The following FRS2 variants were observed in gnomAD, a reference collection of about 807,000 sequenced individuals.
FRS2 encodes the protein fibroblast growth factor receptor substrate 2.
A neutral mutation model predicts 43.9 loss-of-function variants in FRS2; 8 were observed. The observed-to-expected ratio is 0.18, with a 90% confidence interval of 0.11 to 0.33. The LOEUF (loss-of-function observed/expected upper bound fraction) is 0.33. Among genes scored for constraint, FRS2 ranks in the 10% least tolerant of loss-of-function variants. The pLI is 1.00. For synonymous variants in FRS2, 219 were observed against 220.3 expected (o/e 0.99, Z 0.05); for missense variants, 534 against 627.6 (o/e 0.85, Z 1.59).
At chr12:69,529,484 C>T (rs1355159333) in intron 1 of FRS2, among the ~76,000 whole-genome samples, 3 of 151,842 alleles carry the variant, frequency 2.0e-5, no homozygotes, top group South Asian at 2.1e-4. Flanking sequence ...ATTAGCCAGA[C>T]GTGGTGGCAT....
chr12:69,482,705 A>G (rs905483376), intron 1 of FRS2, among the ~76,000 whole-genome samples: 1 of 152,204 alleles, frequency 6.6e-6, no homozygotes, highest in Non-Finnish European at 1.5e-5. Context: ...ATCTGTTGAA[A>G]CTGTTTTCTG....
chr12:69,521,010 G>A (rs867626353), intron 1 of FRS2, among the ~76,000 whole-genome samples: 26 of 152,076 alleles, frequency 1.7e-4, no homozygotes, highest in African/African-American at 4.3e-4. Flanking sequence ...CCATTTTAAC[G>A]ATATTGATTC....
intron 1 of FRS2, among the ~76,000 whole-genome samples, chr12:69,479,306 TTTTA>T (rs1426457988): frequency 6.6e-6 from 1 of 152,112 alleles, no homozygotes; most frequent in Admixed American, 6.5e-5. Context: ...TCATTATAGA[TTTTA>T]TTTCATTATC....
chr12:69,478,444 G>C (rs221080), intron 1 of FRS2, among the ~76,000 whole-genome samples: 111,291 of 151,930 alleles, frequency 0.73, 41,456 homozygotes, highest in South Asian at 0.86. Context: ...TACCCACATG[G>C]GGCTGGTGGC....
At chr12:69,561,214 C>T in intron 3 of FRS2, among the ~76,000 whole-genome samples, 1 of 152,088 alleles carries the variant, frequency 6.6e-6, no homozygotes, top group East Asian at 1.9e-4. Context: ...GACAGGATTG[C>T]CACCCACCTT....
At chr12:69,523,189 C>A (rs935729040) in intron 1 of FRS2, among the ~76,000 whole-genome samples, 3 of 152,182 alleles carry the variant, frequency 2.0e-5, no homozygotes, top group Non-Finnish European at 4.4e-5. Flanking sequence ...GTTAAAGCCT[C>A]ATACTTATTA....
At chr12:69,524,169 G>A (rs1201407918) in intron 1 of FRS2, among the ~76,000 whole-genome samples, 5 of 152,100 alleles carry the variant, frequency 3.3e-5, no homozygotes, top group Admixed American at 6.5e-5. Flanking sequence ...CAGCAGTGTC[G>A]GCGGCAGGGG....
intron 3 of FRS2, among the ~76,000 whole-genome samples, chr12:69,557,538 C>A (rs1041388356): frequency 1.3e-5 from 2 of 151,530 alleles, no homozygotes; most frequent in African/African-American, 4.9e-5. Context: ...TATTTGATTT[C>A]CCTGTATATG....
rs756248757 is a variant in FRS2, at chr12:69,573,986, A to G, written c.577-19A>G. The G allele has an allele frequency of 9.9e-6, 15 of 1,513,948 alleles. No individual in the cohort carries two copies. The highest frequency in any genetic ancestry group is 8.6e-5 in the South Asian group (7 of 81,808). 93.8% of individuals were successfully genotyped at this position (1,513,948 alleles called of 1,614,324 possible). On this transcript the variant is annotated intron_variant, in intron 8 of 8. Coordinates refer to ENST00000549921, the MANE Select transcript of FRS2 (RefSeq NM_001278356.2). Reference sequence around the variant, plus strand: ...TTTTTTTAAGTAAGTTAACTAATTCACTTTCTGTTTTGTTTTAGGTACATA... The same window carrying G: ...TTTTTTTAAGTAAGTTAACTAATTCGCTTTCTGTTTTGTTTTAGGTACATA...
At chr12:69,555,031 T>TA (rs1879218451) in intron 3 of FRS2, among the ~76,000 whole-genome samples, 1 of 144,918 alleles carries the variant, frequency 6.9e-6, no homozygotes, top group African/African-American at 2.8e-5. Flanking sequence ...TTTAATAATA[T>TA]TTTTTTTTAC....
At chr12:69,520,158 G>C (rs1254073381) in intron 1 of FRS2, among the ~76,000 whole-genome samples, 1 of 152,114 alleles carries the variant, frequency 6.6e-6, no homozygotes, top group Non-Finnish European at 1.5e-5. Context: ...TTAGTGATTG[G>C]TGATACTGAG....
At position 69,517,705 on chromosome 12, in the gene FRS2, C is replaced by T. The variant is rs183640667; in HGVS notation, c.-260-13160C>T. Reference sequence around the variant, plus strand: ...TATTTAAACTCTTCAGCATTGCTGTCGGTTCTGATTCATATTTAATACATG... The same window carrying T: ...TATTTAAACTCTTCAGCATTGCTGTTGGTTCTGATTCATATTTAATACATG... On this transcript the variant is annotated intron_variant, in intron 1 of 8. Coordinates refer to ENST00000549921, the MANE Select transcript of FRS2 (RefSeq NM_001278356.2). Among the ~76,000 whole-genome samples the T allele has an allele frequency of 7.2e-5, 11 of 152,148 alleles. No individual in the cohort carries two copies. In the East Asian group the frequency reaches 1.9e-3, roughly 27 times the overall value.
intron 3 of FRS2, among the ~76,000 whole-genome samples, chr12:69,553,667 T>C (rs1017256086): frequency 1.2e-4 from 18 of 152,126 alleles, no homozygotes; most frequent in African/African-American, 4.3e-4. Flanking sequence ...ATTCCAGTGG[T>C]CTCTAGACCT....
chr12:69,577,868 C>T lies in FRS2; in HGVS notation c.*2913C>T, dbSNP rs919949579. ...TTCACTTCTCAGTATATCCAGAATA[C>T]ATCATATCTGGGACTTAGGAAAATT... On this transcript the variant is annotated 3_prime_UTR_variant, in exon 9 of 9. Transcript: ENST00000549921. 1 of 152,556 alleles carries T rather than the reference C, an allele frequency of 6.6e-6. No homozygotes were observed. Among genetic ancestry groups the T allele is most frequent in the Non-Finnish European group, 1.5e-5 (1 of 67,998 alleles). 9.5% of individuals were successfully genotyped at this position (152,556 alleles called of 1,614,324 possible). A position where few individuals can be genotyped will look rare whatever the true frequency, so the allele number is the denominator to read the frequency against.
At chr12:69,484,033 C>T (rs1348382551) in intron 1 of FRS2, among the ~76,000 whole-genome samples, 1 of 152,032 alleles carries the variant, frequency 6.6e-6, no homozygotes, top group African/African-American at 2.4e-5. Context: ...ATTATAATGT[C>T]CTAAGACATG....
At chr12:69,557,617 T>TGCGCGC (rs1377444472) in intron 3 of FRS2, among the ~76,000 whole-genome samples, 37 of 117,092 alleles carry the variant, frequency 3.2e-4, no homozygotes, top group East Asian at 1.5e-3. Flanking sequence ...TGTGTGTGTG[T>TGCGCGC]GTGCGCGCGC....
intron 1 of FRS2, among the ~76,000 whole-genome samples, chr12:69,516,753 AT>A (rs1222824692): frequency 2.0e-5 from 3 of 152,044 alleles, no homozygotes; most frequent in Non-Finnish European, 2.9e-5. Flanking sequence ...TTTCTTTATA[AT>A]TTTTTTGTTT....
intron 3 of FRS2, among the ~76,000 whole-genome samples, chr12:69,550,015 G>A (rs756956058): frequency 4.6e-5 from 7 of 152,090 alleles, no homozygotes; most frequent in South Asian, 2.1e-4. Context: ...GCTTGGATCC[G>A]TAAGTTGATG....
At chr12:69,535,755 A>G (rs1174629358) in intron 3 of FRS2, among the ~76,000 whole-genome samples, 2 of 151,970 alleles carry the variant, frequency 1.3e-5, no homozygotes, top group Non-Finnish European at 2.9e-5. Context: ...GTTTAGTTTT[A>G]TTTGGGGACT....
Sources: gnomAD v4.1 joint callset for allele counts (sites outside exome capture counted in the v4.1 genomes callset) on GRCh38, gnomAD v4.1.1 for gene constraint, MANE v1.5 for transcripts, NCBI Gene and HGNC (gene_info 2026-07-23, HGNC 2026-07-21) for gene names.